The following ANO4 variants were observed in gnomAD, a reference collection of about 807,000 sequenced individuals.
The protein encoded by ANO4 is anoctamin 4, also known as anoctamin-4.
A neutral mutation model predicts 141.9 loss-of-function variants in ANO4; 69 were observed. The ratio of observed to expected loss-of-function variants is 0.49; its 90% CI spans 0.40 to 0.59. The LOEUF is 0.59. ANO4 is among the 20% of genes least tolerant of loss of function. The pLI is 0.00. For missense variants in ANO4, 894 were observed against 1,162.2 expected (o/e 0.77, Z 3.36); for synonymous variants, 350 against 394.3 (o/e 0.89, Z 1.33).
chr12:100,921,933 A>AT (rs1020175114), intron 2 of ANO4, among the ~76,000 whole-genome samples: 8 of 152,168 alleles, frequency 5.3e-5, no homozygotes, highest in African/African-American at 1.9e-4. Context: ...GCTATGTTAT[A>AT]TTTTTTACGT....
intron 3 of ANO4, among the ~76,000 whole-genome samples, chr12:100,774,496 A>T (rs2135560197): frequency 6.6e-6 from 1 of 152,372 alleles, no homozygotes; most frequent in South Asian, 2.1e-4. Flanking sequence ...CCTGAAACAG[A>T]TTGAGTTTTT....
Position 100,976,254 on chromosome 12 carries a change from T to G in ANO4, c.602+1365T>G, listed in dbSNP as rs547333458. Among the ~76,000 whole-genome samples the G allele has an allele frequency of 1.1e-4, 17 of 152,348 alleles. No individual in the cohort carries two copies. In the South Asian group the frequency reaches 2.7e-3, roughly 24 times the overall value. On this transcript the variant is annotated intron_variant, in intron 7 of 27. Coordinates refer to ENST00000392977, the MANE Select transcript of ANO4 (RefSeq NM_001286615.2). Reference sequence around the variant, plus strand: ...GGTTCCCTCTGTTTATATGCTATGTTGAGTGATAAATAAAAGAGTAGTTGG... The same window carrying G: ...GGTTCCCTCTGTTTATATGCTATGTGGAGTGATAAATAAAAGAGTAGTTGG...
chr12:100,924,873 G>C (rs898495700), intron 3 of ANO4, among the ~76,000 whole-genome samples: 2 of 152,042 alleles, frequency 1.3e-5, no homozygotes, highest in Non-Finnish European at 2.9e-5. Flanking sequence ...TATTTTTATA[G>C]TAATTTTTAT....
intron 5 of ANO4, among the ~76,000 whole-genome samples, chr12:100,963,027 C>A (rs1268248266): frequency 6.6e-6 from 1 of 152,114 alleles, no homozygotes; most frequent in Admixed American, 6.5e-5. Flanking sequence ...ACTTGAGCTA[C>A]TAAGAGGATG....
intron 1 of ANO4, among the ~76,000 whole-genome samples, chr12:100,821,936 C>G (rs1230269103): frequency 2.0e-5 from 3 of 151,902 alleles, no homozygotes; most frequent in African/African-American, 7.2e-5. Flanking sequence ...TTGCCCCTCC[C>G]CAAAGACACT....
intron 22 of ANO4, among the ~76,000 whole-genome samples, chr12:101,104,667 ATATAAAT>A (rs1566255080): frequency 2.9e-4 from 18 of 61,472 alleles, no homozygotes; most frequent in Admixed American, 6.9e-4. Context: ...ATATATATAT[ATATAAAT>A]AAAAAGATTT....
chr12:100,999,187 A>G (rs927309687), intron 8 of ANO4, among the ~76,000 whole-genome samples: 14 of 152,226 alleles, frequency 9.2e-5, no homozygotes, highest in African/African-American at 3.4e-4. Flanking sequence ...AGGGTGCAAC[A>G]TGGGTGACAC....
intron 1 of ANO4, among the ~76,000 whole-genome samples, chr12:100,805,803 C>T (rs1378266756): frequency 2.6e-5 from 4 of 151,904 alleles, no homozygotes; most frequent in African/African-American, 9.7e-5. Context: ...TATTCAGTCT[C>T]TTAGATAGTT....
At chr12:100,882,047 C>G (rs1001438507) in intron 1 of ANO4, among the ~76,000 whole-genome samples, 4 of 152,014 alleles carry the variant, frequency 2.6e-5, no homozygotes, top group African/African-American at 9.7e-5. Context: ...TGCACAACAA[C>G]AAAAATGTTA....
At position 100,949,762 on chromosome 12, in the gene ANO4, A is replaced by C. The variant is rs534414117; in HGVS notation, c.456+7227A>C. Among the ~76,000 whole-genome samples the C allele has an allele frequency of 2.0e-5, 3 of 152,318 alleles. No individual in the cohort carries two copies. The East Asian group carries it at 5.8e-4, about 29-fold the overall frequency. On this transcript the variant is annotated intron_variant, in intron 5 of 27. Coordinates refer to ENST00000392977, the MANE Select transcript of ANO4 (RefSeq NM_001286615.2). The stretch of plus-strand genomic sequence containing the variant: ...AGAACTCGGAATACATTTGGTAACA[A>C]GTTTAGCATGATCAAGGTTCAGATG...
intron 1 of ANO4, among the ~76,000 whole-genome samples, chr12:100,796,236 C>G (rs2034311439): frequency 6.6e-6 from 1 of 152,112 alleles, no homozygotes; most frequent in Non-Finnish European, 1.5e-5. Context: ...AATTCAGTCT[C>G]TGATTCATAA....
chr12:101,107,825 C>T (rs1419547159), intron 22 of ANO4, among the ~76,000 whole-genome samples: 1 of 152,006 alleles, frequency 6.6e-6, no homozygotes, highest in Non-Finnish European at 1.5e-5. Context: ...GGGAAGGGAG[C>T]TGAAAGTTTG....
intron 1 of ANO4, among the ~76,000 whole-genome samples, chr12:100,722,799 G>A (rs888002299): frequency 3.9e-5 from 6 of 151,974 alleles, no homozygotes; most frequent in Non-Finnish European, 8.8e-5. Context: ...TACACCATGT[G>A]GAAGTTTTAA....
intron 14 of ANO4, among the ~76,000 whole-genome samples, chr12:101,049,649 T>C (rs749067918): frequency 1.1e-4 from 17 of 152,178 alleles, no homozygotes; most frequent in Admixed American, 6.5e-5. Context: ...TTATTTATGA[T>C]ACAGTGAATG....
chr12:100,864,423 A>G (rs537843840), intron 1 of ANO4, among the ~76,000 whole-genome samples: 1 of 152,306 alleles, frequency 6.6e-6, no homozygotes, highest in African/African-American at 2.4e-5. Flanking sequence ...ACTACAAGCA[A>G]TTATTTCTGA....
At chr12:100,990,079 AAATG>A (rs1161622732) in intron 8 of ANO4, among the ~76,000 whole-genome samples, 2 of 152,150 alleles carry the variant, frequency 1.3e-5, no homozygotes, top group African/African-American at 4.8e-5. Context: ...GTAGGTGTAT[AAATG>A]AATAGAGGAA....
At chr12:100,920,286 C>T (rs1199620478) in intron 2 of ANO4, among the ~76,000 whole-genome samples, 2 of 152,110 alleles carry the variant, frequency 1.3e-5, no homozygotes, top group Non-Finnish European at 2.9e-5. Context: ...ATTGTGATTA[C>T]ATATTTACAC....
chr12:100,981,012 C>T (rs1339811636), intron 7 of ANO4, among the ~76,000 whole-genome samples: 1 of 152,058 alleles, frequency 6.6e-6, no homozygotes, highest in Admixed American at 6.5e-5. Flanking sequence ...TCCTTCCTTC[C>T]ACCCCCCATA....
intron 14 of ANO4, chr12:101,069,090 C>T: frequency 9.1e-7 from 1 of 1,101,906 alleles, no homozygotes. Context: ...TCCAAATCTG[C>T]AAAGGAAGAA....
Sources: gnomAD v4.1 joint callset for allele counts (sites outside exome capture counted in the v4.1 genomes callset) on GRCh38, gnomAD v4.1.1 for gene constraint, MANE v1.5 for transcripts, NCBI Gene and HGNC (gene_info 2026-07-23, HGNC 2026-07-21) for gene names.